The following GTF2B variants were observed in gnomAD, a reference collection of about 807,000 sequenced individuals.
The protein encoded by GTF2B is transcription initiation factor IIB.
In GTF2B, 20 loss-of-function variants were observed where a neutral mutation model predicts 34.6. The ratio of observed to expected loss-of-function variants is 0.58; its 90% CI spans 0.41 to 0.84. GTF2B has a LOEUF of 0.84. Ranked by LOEUF, GTF2B falls within the 40% of genes least tolerant of loss-of-function variation. The pLI, the probability that GTF2B is intolerant of heterozygous loss-of-function variation, is 0.00. For missense variants in GTF2B, 237 were observed against 393.3 expected (o/e 0.60, Z 3.36); for synonymous variants, 142 against 132.4 (o/e 1.07, Z -0.50).
chr1:88,873,865 A>C (rs1266898960), intron 2 of GTF2B, among the ~76,000 whole-genome samples: 2 of 152,192 alleles, frequency 1.3e-5, no homozygotes, highest in Non-Finnish European at 2.9e-5. Flanking sequence ...CTACAAGGGA[A>C]ACTGGGAAAT....
intron 1 of GTF2B, 81 bp downstream of exon 1, chr1:88,891,402 G>A (rs950411259): frequency 1.8e-6 from 2 of 1,091,364 alleles, no homozygotes; most frequent in Non-Finnish European, 2.7e-6. Context: ...TCAGCCCTAC[G>A]AGGCTGCCCG....
At position 88,882,235 on chromosome 1, in the gene GTF2B, C is replaced by T. The variant is rs952483933; in HGVS notation, c.124+5026G>A. ...TGAAGTACAAGAATCGCTTGAACCC[C>T]GGAGGCAGAGGCTGCAGTGAGCGGA... On this transcript the variant is annotated intron_variant, in intron 2 of 6. Transcript: ENST00000370500. Among the ~76,000 whole-genome samples, 4 of 145,238 alleles carry T rather than the reference C, an allele frequency of 2.8e-5. No individual in the cohort carries two copies. In the East Asian group the frequency reaches 6.4e-4, roughly 23 times the overall value.
intron 2 of GTF2B, among the ~76,000 whole-genome samples, chr1:88,867,717 A>G (rs1438595373): frequency 1.3e-5 from 2 of 152,238 alleles, no homozygotes; most frequent in African/African-American, 4.8e-5. Context: ...TTCATTTCAT[A>G]GCATTTTCTG....
intron 2 of GTF2B, among the ~76,000 whole-genome samples, chr1:88,870,256 G>T (rs2100971035): frequency 6.6e-6 from 1 of 152,198 alleles, no homozygotes; most frequent in East Asian, 1.9e-4. Context: ...GAGAGAAACG[G>T]TCTTTGTATC....
chr1:88,877,724 G>C (rs1673847061), intron 2 of GTF2B, among the ~76,000 whole-genome samples: 1 of 152,182 alleles, frequency 6.6e-6, no homozygotes, highest in Non-Finnish European at 1.5e-5. Flanking sequence ...TTGAGGTAAG[G>C]AGTTTGAGAA....
chr1:88,884,503 A>G (rs529124862), intron 2 of GTF2B, among the ~76,000 whole-genome samples: 2 of 152,336 alleles, frequency 1.3e-5, no homozygotes, highest in South Asian at 4.1e-4. Context: ...AACAGTCTTA[A>G]ATAAATTTAT....
rs189476078 is a variant in GTF2B at position 88,874,826 on chromosome 1, C to T, written c.125-10712G>A. ...ACAGGCTCATTTAGTTTACAAACTA[C>T]GTATGTTGTTAAATGTGCTGGTAAG... On this transcript the variant is annotated intron_variant, in intron 2 of 6. Transcript: ENST00000370500. 6.1e-4 allele frequency among the ~76,000 whole-genome samples: 93 copies of T among 152,034 alleles called. 2 individuals are homozygous for T. The highest frequency in any genetic ancestry group is 2.0e-4 in the Admixed American group (3 of 15,262).
intron 3 of GTF2B, among the ~76,000 whole-genome samples, chr1:88,862,758 C>T (rs1673469213): frequency 6.6e-6 from 1 of 152,040 alleles, no homozygotes; most frequent in Admixed American, 6.6e-5. Flanking sequence ...TTGCCTCAGG[C>T]TCCTGAGTAG....
intron 2 of GTF2B, among the ~76,000 whole-genome samples, chr1:88,870,265 T>C (rs997051477): frequency 6.6e-6 from 1 of 152,234 alleles, no homozygotes; most frequent in Non-Finnish European, 1.5e-5. Flanking sequence ...GGTCTTTGTA[T>C]CTTGATTAAG....
intron 2 of GTF2B, among the ~76,000 whole-genome samples, chr1:88,880,995 C>T (rs1190320999): frequency 8.1e-6 from 1 of 123,118 alleles, no homozygotes; most frequent in Non-Finnish European, 1.6e-5. Flanking sequence ...GGTGACAGAG[C>T]GAGATGCTGT....
At chr1:88,890,243 C>T (rs894304598) in intron 1 of GTF2B, among the ~76,000 whole-genome samples, 15 of 151,608 alleles carry the variant, frequency 9.9e-5, no homozygotes, top group African/African-American at 3.6e-4. Flanking sequence ...ACAAGGAGGC[C>T]TTACCCGACA....
intron 2 of GTF2B, among the ~76,000 whole-genome samples, chr1:88,865,879 T>C (rs1211811876): frequency 7.1e-6 from 1 of 141,634 alleles, no homozygotes; most frequent in African/African-American, 3.0e-5. Flanking sequence ...CAAACAAAAA[T>C]TAATCTCCAT....
intron 5 of GTF2B, 55 bp downstream of exon 5, chr1:88,859,827 C>T: frequency 2.0e-6 from 3 of 1,521,482 alleles, no homozygotes; most frequent in Non-Finnish European, 2.7e-6. Context: ...CAAAGTGAGA[C>T]CCTATCTCAA....
chr1:88,878,129 G>GT, intron 2 of GTF2B, among the ~76,000 whole-genome samples: 1 of 152,180 alleles, frequency 6.6e-6, no homozygotes, highest in African/African-American at 2.4e-5. Flanking sequence ...AATTAGCCAG[G>GT]TGTGGTGCTG....
intron 2 of GTF2B, among the ~76,000 whole-genome samples, chr1:88,868,332 CCTT>C (rs1292245735): frequency 6.6e-6 from 1 of 152,162 alleles, no homozygotes; most frequent in Non-Finnish European, 1.5e-5. Flanking sequence ...CCACTAGTTT[CCTT>C]CTTAACCACA....
At chr1:88,876,995 A>G (rs967676618) in intron 2 of GTF2B, among the ~76,000 whole-genome samples, 3 of 152,204 alleles carry the variant, frequency 2.0e-5, no homozygotes, top group Non-Finnish European at 2.9e-5. Flanking sequence ...AAGACATGGA[A>G]AATATGAAGA....
At chr1:88,890,270 G>T (rs867157886) in intron 1 of GTF2B, among the ~76,000 whole-genome samples, 1 of 151,970 alleles carries the variant, frequency 6.6e-6, no homozygotes, top group Non-Finnish European at 1.5e-5. Flanking sequence ...CACCCAGATA[G>T]AATGACTGAG....
rs745536592 is a variant in GTF2B at position 88,853,241 on chromosome 1, G to A, written c.923C>T (p.Thr308Ile). The stretch of plus-strand genomic sequence containing the variant: ...TAGCTGTGGTAGTTTGTCCACTGGG[G>A]TGTCAAATTTGAAGTCTGTAGGAAA... The part of the protein sequence containing the change: ...DLFPTDFKFD[T>I]PVDKLPQL Residue 308 changes from threonine (T) to isoleucine (I), a missense_variant, in exon 7 of 7, where the codon ACC becomes ATC. Thr to Ile is a moderately conservative substitution (Grantham distance 89, BLOSUM62 -1). Coordinates refer to ENST00000370500, the MANE Select transcript of GTF2B (RefSeq NM_001514.6). 4.4e-5 allele frequency: 71 copies of A among 1,613,426 alleles called. No individual in the cohort carries two copies. Among genetic ancestry groups the A allele is most frequent in the Non-Finnish European group, 5.5e-5 (65 of 1,179,490 alleles).
intron 2 of GTF2B, among the ~76,000 whole-genome samples, chr1:88,868,538 T>C (rs1447629372): frequency 1.3e-5 from 2 of 152,138 alleles, no homozygotes; most frequent in African/African-American, 2.4e-5. Context: ...TATATTAGAG[T>C]GGTGTCTAAA....
Sources: allele counts gnomAD v4.1 joint callset (sites outside exome capture counted in the v4.1 genomes callset), GRCh38; gene constraint gnomAD v4.1.1; transcripts MANE v1.5; gene names NCBI Gene and HGNC (gene_info 2026-07-23, HGNC 2026-07-21).